CLSTN2: variants seen among roughly 807,000 people sequenced by gnomAD.
CLSTN2 encodes the protein calsyntenin 2.
A neutral mutation model predicts 101.2 loss-of-function variants in CLSTN2; 48 were observed. That is an observed-to-expected ratio of 0.47 (90% confidence interval 0.38 to 0.60). CLSTN2 has a LOEUF of 0.60. Among genes scored for constraint, CLSTN2 ranks in the 20% least tolerant of loss-of-function variants. CLSTN2 has a pLI of 0.00. For synonymous variants in CLSTN2, 481 were observed against 463.6 expected (o/e 1.04, Z -0.48); for missense variants, 1,160 against 1,238.2 (o/e 0.94, Z 0.95).
intron 1 of CLSTN2, among the ~76,000 whole-genome samples, chr3:140,136,555 G>A (rs1279952806): frequency 6.6e-6 from 1 of 152,186 alleles, no homozygotes; most frequent in Non-Finnish European, 1.5e-5. Context: ...GTGGATACTT[G>A]ACCCAAAGTG....
intron 5 of CLSTN2, among the ~76,000 whole-genome samples, chr3:140,430,743 A>C (rs1250480573): frequency 1.3e-5 from 2 of 152,230 alleles, no homozygotes; most frequent in Non-Finnish European, 2.9e-5. Flanking sequence ...AGAGGCAAAG[A>C]AGTGTAACAG....
chr3:140,353,202 G>C lies in CLSTN2; in HGVS notation c.233-50427G>C, dbSNP rs78774116. 5.4e-3 allele frequency among the ~76,000 whole-genome samples: 799 copies of C among 147,458 alleles called. 4 individuals are homozygous for C. Among genetic ancestry groups the C allele is most frequent in the Middle Eastern group, 0.011 (3 of 276 alleles). ...TATCTAAGTGTGTTGGGGTTCTGTA[G>C]AGGGACACAACTAATGGAATATATA... is the stretch of plus-strand genomic sequence containing the variant. On this transcript the variant is annotated intron_variant, in intron 2 of 16. Coordinates refer to ENST00000458420, the MANE Select transcript of CLSTN2 (RefSeq NM_022131.3).
At chr3:140,076,286 G>A (rs759430263) in intron 1 of CLSTN2, among the ~76,000 whole-genome samples, 34 of 152,104 alleles carry the variant, frequency 2.2e-4, no homozygotes, top group Non-Finnish European at 3.5e-4. Flanking sequence ...TATATGCCAC[G>A]GTTGCTTTAT....
intron 1 of CLSTN2, among the ~76,000 whole-genome samples, chr3:139,946,950 T>C (rs1421025912): frequency 6.6e-6 from 1 of 152,238 alleles, no homozygotes; most frequent in Non-Finnish European, 1.5e-5. Context: ...ATTTCCTTAG[T>C]TTCATTGAAT....
intron 2 of CLSTN2, among the ~76,000 whole-genome samples, chr3:140,201,166 A>G (rs2010713573): frequency 6.6e-6 from 1 of 152,214 alleles, no homozygotes; most frequent in Non-Finnish European, 1.5e-5. Flanking sequence ...GAGAGATACA[A>G]GAGAGCACTG....
chr3:140,449,717 G>T (rs1933194398), intron 6 of CLSTN2: 1 of 152,162 alleles, frequency 6.6e-6, no homozygotes, highest in South Asian at 2.1e-4. Context: ...CAGCTGTCTT[G>T]GTTCTATGTA....
chr3:140,246,058 A>G (rs2086512947), intron 2 of CLSTN2, among the ~76,000 whole-genome samples: 1 of 152,190 alleles, frequency 6.6e-6, no homozygotes, highest in African/African-American at 2.4e-5. Flanking sequence ...AACTTGTAAA[A>G]ATGCGTTTAC....
At chr3:140,403,128 T>C (rs1450133826) in intron 2 of CLSTN2, among the ~76,000 whole-genome samples, 3 of 152,192 alleles carry the variant, frequency 2.0e-5, no homozygotes, top group Non-Finnish European at 4.4e-5. Flanking sequence ...GAGAAATGCA[T>C]TAATTTCACA....
chr3:139,965,628 A>G (rs781042268), intron 1 of CLSTN2, among the ~76,000 whole-genome samples: 9 of 152,222 alleles, frequency 5.9e-5, no homozygotes, highest in Admixed American at 5.9e-4. Context: ...GGACGGGGGC[A>G]AACACAATCC....
chr3:140,465,876 T>A (rs1008799113), intron 7 of CLSTN2, among the ~76,000 whole-genome samples: 9 of 152,160 alleles, frequency 5.9e-5, no homozygotes, highest in African/African-American at 2.2e-4. Context: ...AGATGTCTGG[T>A]GTGTTCGATA....
chr3:140,310,352 A>G (rs968430510), intron 2 of CLSTN2, among the ~76,000 whole-genome samples: 2 of 149,722 alleles, frequency 1.3e-5, no homozygotes, highest in Non-Finnish European at 3.0e-5. Context: ...TCTACCCAGC[A>G]CACTCCCTCT....
chr3:140,383,087 A>G (rs2088004198), intron 2 of CLSTN2, among the ~76,000 whole-genome samples: 1 of 152,230 alleles, frequency 6.6e-6, no homozygotes, highest in African/African-American at 2.4e-5. Context: ...GCATTCAAGC[A>G]TATTTCACAT....
intron 1 of CLSTN2, among the ~76,000 whole-genome samples, chr3:139,938,044 G>T (rs1440627842): frequency 1.3e-5 from 2 of 149,910 alleles, no homozygotes; most frequent in Non-Finnish European, 2.9e-5. Flanking sequence ...GATCTCTGAA[G>T]AATGTTTGAA....
intron 2 of CLSTN2, among the ~76,000 whole-genome samples, chr3:140,399,877 T>C (rs1470085348): frequency 2.0e-5 from 3 of 152,022 alleles, no homozygotes; most frequent in Non-Finnish European, 4.4e-5. Flanking sequence ...TCCCTCCCCC[T>C]GTTTGTATTC....
chr3:140,093,355 C>A (rs1023488483), intron 1 of CLSTN2, among the ~76,000 whole-genome samples: 7 of 152,134 alleles, frequency 4.6e-5, no homozygotes, highest in African/African-American at 7.2e-5. Context: ...CCCGCCATGG[C>A]CTGAAGGTGT....
intron 1 of CLSTN2, among the ~76,000 whole-genome samples, chr3:140,006,055 T>A (rs9871885): frequency 0.31 from 46,649 of 151,996 alleles, 8,881 homozygotes; most frequent in Non-Finnish European, 0.43. Context: ...GAAACCAGAG[T>A]TGACATTGAT....
At chr3:140,172,577 C>T (rs1377978699) in intron 1 of CLSTN2, among the ~76,000 whole-genome samples, 1 of 152,126 alleles carries the variant, frequency 6.6e-6, no homozygotes, top group Non-Finnish European at 1.5e-5. Context: ...AACAGAGTAC[C>T]ACAAACTGGG....
intron 11 of CLSTN2, 28 bp downstream of exon 11, chr3:140,556,689 C>A (rs1160969081): frequency 1.9e-6 from 3 of 1,606,414 alleles, no homozygotes; most frequent in Non-Finnish European, 2.6e-6. Context: ...AGCCTGGGGC[C>A]AACTGAGGCA....
chr3:140,065,413 T>C (rs2008282728), intron 1 of CLSTN2, among the ~76,000 whole-genome samples: 2 of 152,220 alleles, frequency 1.3e-5, no homozygotes, highest in Admixed American at 1.3e-4. Flanking sequence ...TTTAGAAGTT[T>C]TGAGCACTTG....
Sources: gnomAD v4.1 joint callset for allele counts (sites outside exome capture counted in the v4.1 genomes callset) on GRCh38, gnomAD v4.1.1 for gene constraint, MANE v1.5 for transcripts, NCBI Gene and HGNC (gene_info 2026-07-23, HGNC 2026-07-21) for gene names.